Variants in RIPOR2 observed in about 807,000 individuals in gnomAD.
The protein encoded by RIPOR2 is rho family-interacting cell polarization regulator 2.
A neutral mutation model predicts 114.5 loss-of-function variants in RIPOR2; 39 were observed. The ratio of observed to expected loss-of-function variants is 0.34; its 90% CI spans 0.26 to 0.44. The LOEUF is 0.44. Ranked by LOEUF, RIPOR2 falls within the 20% of genes least tolerant of loss-of-function variation. The pLI is 1.00. For synonymous variants in RIPOR2, 445 were observed against 484.4 expected, an observed-to-expected ratio of 0.92 and a Z score of 1.07; for missense variants, 1,007 against 1,255.1, an observed-to-expected ratio of 0.80 and a Z score of 2.99.
intron 1 of RIPOR2, among the ~76,000 whole-genome samples, chr6:25,020,792 G>T (rs34632338): frequency 0.027 from 4,143 of 152,272 alleles, 83 homozygotes; most frequent in Non-Finnish European, 0.044. Context: ...CTTTTAACAT[G>T]CTATTATAAG....
chr6:24,885,203 G>A (rs1427102439), intron 1 of RIPOR2, among the ~76,000 whole-genome samples: 1 of 152,070 alleles, frequency 6.6e-6, no homozygotes, highest in African/African-American at 2.4e-5. Context: ...ATTTGAAGTG[G>A]TACCTATTTC....
chr6:25,035,177 C>A (rs1489578162), intron 1 of RIPOR2, among the ~76,000 whole-genome samples: 3 of 152,182 alleles, frequency 2.0e-5, no homozygotes, highest in South Asian at 2.1e-4. Flanking sequence ...TGGGGCCCAG[C>A]CGCCTGTTGT....
At chr6:24,921,970 CAG>C in intron 1 of RIPOR2, among the ~76,000 whole-genome samples, 1 of 151,966 alleles carries the variant, frequency 6.6e-6, no homozygotes, top group South Asian at 2.1e-4. Context: ...GCTGGGATTA[CAG>C]ATGTGTGCCA....
intron 1 of RIPOR2, among the ~76,000 whole-genome samples, chr6:24,918,634 T>C (rs1770258852): frequency 6.6e-6 from 1 of 152,196 alleles, no homozygotes; most frequent in African/African-American, 2.4e-5. Flanking sequence ...CTTCAAAATC[T>C]TCATGGACAT....
chr6:24,889,622 C>G (rs1354589516), intron 1 of RIPOR2, among the ~76,000 whole-genome samples: 1 of 151,896 alleles, frequency 6.6e-6, no homozygotes, highest in Non-Finnish European at 1.5e-5. Context: ...CACAGAAATG[C>G]TTGTTAAATT....
At chr6:25,003,384 CATTATT>C (rs57985459) in intron 1 of RIPOR2, among the ~76,000 whole-genome samples, 38,744 of 143,640 alleles carry the variant, frequency 0.27, 6,014 homozygotes, top group South Asian at 0.38. Flanking sequence ...AGAATTAACA[CATTATT>C]ATTATTATTA....
intron 1 of RIPOR2, chr6:24,948,388 C>T (rs554819130): frequency 6.6e-6 from 1 of 152,348 alleles, no homozygotes; most frequent in South Asian, 2.1e-4. Flanking sequence ...AGATGCAATC[C>T]CCAGAATACC....
At chr6:24,868,117 A>G (rs1343446774) in intron 6 of RIPOR2, among the ~76,000 whole-genome samples, 3 of 152,316 alleles carry the variant, frequency 2.0e-5, no homozygotes, top group East Asian at 1.9e-4. Flanking sequence ...TAGGTAGTAA[A>G]TATCTTTCAA....
intron 1 of RIPOR2, among the ~76,000 whole-genome samples, chr6:24,998,889 T>G (rs1456819344): frequency 1.4e-5 from 2 of 139,498 alleles, no homozygotes; most frequent in Non-Finnish European, 3.2e-5. Context: ...TTTTTTTTTT[T>G]TATTGTAGAG....
At chr6:24,809,591 G>C in intron 21 of RIPOR2, 126 bp downstream of exon 21, 1 of 670,406 alleles carries the variant, frequency 1.5e-6, no homozygotes, top group South Asian at 1.8e-5. Flanking sequence ...ACAGCCTACA[G>C]CGGGGAAACT....
At position 24,825,400 on chromosome 6, in the gene RIPOR2, T is replaced by C; in HGVS notation, c.2694A>G (p.Leu898=). 7.1e-6 allele frequency: 11 copies of C among 1,552,172 alleles called. No individual in the cohort carries two copies. The highest frequency in any genetic ancestry group is 9.6e-6 in the Non-Finnish European group (11 of 1,147,036). The change falls in exon 19 of 22, where the codon CTA becomes CTG. Residue 898 remains leucine (L), a synonymous_variant. Transcript: ENST00000643898. ...QVSMVQTLQS[L]RDEKLLQTMS... is the part of the protein sequence containing the mutation. ...TGGTTTGTAGCAGTTTTTCATCTCTTAGTGATTGCAGAGTCTGAACCATGG... is the reference window on the plus strand; with the variant it reads ...TGGTTTGTAGCAGTTTTTCATCTCTCAGTGATTGCAGAGTCTGAACCATGG...
chr6:25,005,743 AT>A (rs1775537260), intron 1 of RIPOR2, among the ~76,000 whole-genome samples: 2 of 124,266 alleles, frequency 1.6e-5, no homozygotes, highest in African/African-American at 5.9e-5. Flanking sequence ...ATATATATAC[AT>A]TTACCGATCA....
upstream of RIPOR2, among the ~76,000 whole-genome samples, chr6:24,937,322 C>T (rs1257177386): frequency 1.3e-5 from 2 of 152,042 alleles, no homozygotes; most frequent in Non-Finnish European, 2.9e-5. Context: ...CACTCAGGGG[C>T]CCAGGGATAT....
chr6:24,860,886 TA>T, intron 8 of RIPOR2, 86 bp downstream of exon 8: 1 of 844,854 alleles, frequency 1.2e-6, no homozygotes, highest in Non-Finnish European at 1.9e-6. Context: ...GCAAGGAAAA[TA>T]AAAATAGCAT....
chr6:24,842,061 C>G (rs546018349), intron 13 of RIPOR2, among the ~76,000 whole-genome samples: 1 of 152,262 alleles, frequency 6.6e-6, no homozygotes, highest in Admixed American at 6.5e-5. Context: ...GTTCTCTTTT[C>G]TTTTATATGA....
intron 1 of RIPOR2, among the ~76,000 whole-genome samples, chr6:24,954,273 T>C (rs1772924577): frequency 6.6e-6 from 1 of 152,126 alleles, no homozygotes; most frequent in Admixed American, 6.5e-5. Context: ...GTCAGTGTCT[T>C]CAGATACAAA....
At chr6:24,886,729 G>T (rs1404100453) in intron 1 of RIPOR2, among the ~76,000 whole-genome samples, 1 of 152,352 alleles carries the variant, frequency 6.6e-6, no homozygotes, top group East Asian at 1.9e-4. Context: ...TACCGGTGAT[G>T]TTAACTTTGA....
chr6:24,974,109 G>A (rs760833503), intron 1 of RIPOR2, among the ~76,000 whole-genome samples: 2 of 152,088 alleles, frequency 1.3e-5, no homozygotes, highest in Non-Finnish European at 2.9e-5. Context: ...AGTTGTGTTG[G>A]GTGGTGGCTC....
At chr6:24,943,540 A>G (rs1453891756) in intron 1 of RIPOR2, among the ~76,000 whole-genome samples, 7 of 152,336 alleles carry the variant, frequency 4.6e-5, no homozygotes, top group African/African-American at 1.7e-4. Context: ...AGAAACTGGG[A>G]AAATGGCCAG....
Sources: allele counts gnomAD v4.1 joint callset (sites outside exome capture counted in the v4.1 genomes callset), GRCh38; gene constraint gnomAD v4.1.1; transcripts MANE v1.5; gene names NCBI Gene and HGNC (gene_info 2026-07-23, HGNC 2026-07-21).